The following CDK14 variants were observed in gnomAD, a reference collection of about 807,000 sequenced individuals.
CDK14 encodes cyclin-dependent kinase 14.
In CDK14, 34 loss-of-function variants were observed where a neutral mutation model predicts 60.7. That is an observed-to-expected ratio of 0.56 (90% CI 0.43 to 0.75). The LOEUF is 0.75. CDK14 is among the 30% of genes least tolerant of loss of function. The pLI, the probability that CDK14 is intolerant of heterozygous loss-of-function variation, is 0.00. For missense variants in CDK14, 482 were observed against 564.1 expected (o/e 0.85, Z 1.47); for synonymous variants, 197 against 203.7 (o/e 0.97, Z 0.28).
intron 2 of CDK14, among the ~76,000 whole-genome samples, chr7:90,613,713 C>T (rs1025238451): frequency 2.6e-5 from 4 of 151,824 alleles, no homozygotes; most frequent in East Asian, 1.9e-4. Context: ...TAAAAAAAGA[C>T]GCTGACCTTT....
rs192861926 is a variant in CDK14, at chr7:90,729,991, A to G, written c.369+3179A>G. Among the ~76,000 whole-genome samples the G allele has an allele frequency of 5.9e-3, 905 of 152,200 alleles. 6 individuals carry two copies. The highest frequency in any genetic ancestry group is 0.011 in the Non-Finnish European group (717 of 68,002). ...CTGCACTCGTCAACCTGTCATTTAC[A>G]TTAGATATTTCTCCTAATGCTATCC... On this transcript the variant is annotated intron_variant, in intron 3 of 14. Coordinates refer to ENST00000380050, the MANE Select transcript of CDK14 (RefSeq NM_001287135.2).
intron 3 of CDK14, among the ~76,000 whole-genome samples, chr7:90,744,528 G>C (rs1362356406): frequency 2.0e-5 from 3 of 152,240 alleles, no homozygotes; most frequent in East Asian, 1.9e-4. Context: ...CTGTTGGGTA[G>C]ACCTCCCAGA....
At chr7:91,085,445 CAGG>C (rs1798612727) in intron 12 of CDK14, among the ~76,000 whole-genome samples, 2 of 152,190 alleles carry the variant, frequency 1.3e-5, no homozygotes, top group Non-Finnish European at 2.9e-5. Flanking sequence ...CTGCCTCCAG[CAGG>C]AGAAAGTTCT....
intron 8 of CDK14, among the ~76,000 whole-genome samples, chr7:90,927,670 T>C (rs1215469168): frequency 1.3e-5 from 2 of 152,186 alleles, no homozygotes; most frequent in African/African-American, 4.8e-5. Flanking sequence ...TGAATCCTGG[T>C]GAATCTGACA....
At chr7:90,887,718 AT>A (rs1443915100) in intron 6 of CDK14, among the ~76,000 whole-genome samples, 2 of 152,170 alleles carry the variant, frequency 1.3e-5, no homozygotes, top group African/African-American at 4.8e-5. Context: ...CTTCTAATAC[AT>A]TCCTCTGAAT....
intron 14 of CDK14, among the ~76,000 whole-genome samples, chr7:91,174,737 T>C (rs374646580): frequency 8.5e-6 from 1 of 118,038 alleles, no homozygotes; most frequent in East Asian, 2.3e-4. Context: ...TGAAATGAAG[T>C]GAGAAGGGAA....
At chr7:90,797,178 C>T (rs558584222) in intron 5 of CDK14, among the ~76,000 whole-genome samples, 52 of 151,736 alleles carry the variant, frequency 3.4e-4, no homozygotes, top group South Asian at 8.3e-4. Context: ...ACAACAGAAA[C>T]TTAATGTCTT....
At chr7:90,697,665 A>G (rs1393562785) in intron 2 of CDK14, among the ~76,000 whole-genome samples, 2 of 152,252 alleles carry the variant, frequency 1.3e-5, no homozygotes, top group African/African-American at 4.8e-5. Flanking sequence ...TTACACAATT[A>G]TATGTCTGAA....
chr7:91,063,606 A>G (rs1004468453), intron 11 of CDK14, among the ~76,000 whole-genome samples: 1 of 152,232 alleles, frequency 6.6e-6, no homozygotes, highest in Non-Finnish European at 1.5e-5. Flanking sequence ...AAGGAGGACA[A>G]TTGACATCCT....
chr7:90,842,548 T>C (rs1252421849), intron 5 of CDK14, among the ~76,000 whole-genome samples: 1 of 152,146 alleles, frequency 6.6e-6, no homozygotes, highest in Non-Finnish European at 1.5e-5. Flanking sequence ...CAAAAAGACG[T>C]CTTTCTCTCA....
intron 3 of CDK14, among the ~76,000 whole-genome samples, chr7:90,746,050 A>T (rs1405007292): frequency 2.6e-5 from 4 of 152,090 alleles, no homozygotes; most frequent in African/African-American, 9.7e-5. Context: ...GCTTGGGAGG[A>T]CACTGCAGTC....
chr7:90,746,846 A>G (rs1036846201), intron 3 of CDK14, among the ~76,000 whole-genome samples: 2 of 152,184 alleles, frequency 1.3e-5, no homozygotes, highest in Non-Finnish European at 2.9e-5. Context: ...TGATTTATGT[A>G]TATATAAGAG....
At chr7:91,069,108 T>C (rs1798062024) in intron 11 of CDK14, among the ~76,000 whole-genome samples, 1 of 152,244 alleles carries the variant, frequency 6.6e-6, no homozygotes, top group Admixed American at 6.5e-5. Context: ...AATAATTGCA[T>C]AGTGTTTAAA....
At chr7:90,908,751 C>T (rs1252282678) in intron 7 of CDK14, among the ~76,000 whole-genome samples, 3 of 152,172 alleles carry the variant, frequency 2.0e-5, no homozygotes, top group African/African-American at 7.2e-5. Flanking sequence ...GTATAAATTT[C>T]TGTTACTTCA....
chr7:90,695,953 T>C (rs2116599445), intron 2 of CDK14, among the ~76,000 whole-genome samples: 1 of 152,206 alleles, frequency 6.6e-6, no homozygotes, highest in Middle Eastern at 3.4e-3. Flanking sequence ...AGGATGGTGA[T>C]AATTAAAAAA....
chr7:90,933,128 T>C (rs1793646250), intron 8 of CDK14, among the ~76,000 whole-genome samples: 1 of 151,880 alleles, frequency 6.6e-6, no homozygotes, highest in Non-Finnish European at 1.5e-5. Flanking sequence ...TCCCTTGAGC[T>C]CAAGAGTTCA....
chr7:91,017,229 T>C lies in CDK14; in HGVS notation c.1042-28668T>C, dbSNP rs1796324450. ...CCAATAGAAGAAGCTCTTTAAGATA[T>C]ATAAAGGAAAAAAGCTAAGTACAAA... On this transcript the variant is annotated intron_variant, in intron 10 of 14. Transcript: ENST00000380050. 2.6e-5 allele frequency among the ~76,000 whole-genome samples: 4 copies of C among 152,128 alleles called. No homozygotes were observed. In the South Asian group the frequency reaches 6.2e-4, roughly 24 times the overall value.
At chr7:91,174,197 A>C (rs930343346) in intron 14 of CDK14, among the ~76,000 whole-genome samples, 2 of 151,988 alleles carry the variant, frequency 1.3e-5, no homozygotes, top group Non-Finnish European at 1.5e-5. Flanking sequence ...GCAGGGGCAC[A>C]CTGACACCTC....
intron 14 of CDK14, among the ~76,000 whole-genome samples, chr7:91,181,151 G>A (rs1801987943): frequency 6.6e-6 from 1 of 152,102 alleles, no homozygotes; most frequent in Admixed American, 6.5e-5. Flanking sequence ...TTCTCTGATT[G>A]TTCTGTCAAC....
Sources: allele counts gnomAD v4.1 joint callset (sites outside exome capture counted in the v4.1 genomes callset), GRCh38; gene constraint gnomAD v4.1.1; transcripts MANE v1.5; gene names NCBI Gene and HGNC (gene_info 2026-07-23, HGNC 2026-07-21).